The following TRPS1 variants were observed in gnomAD, a reference collection of about 807,000 sequenced individuals.
The protein encoded by TRPS1 is zinc finger transcription factor Trps1.
A neutral mutation model predicts 101.2 loss-of-function variants in TRPS1; 6 were observed. The observed-to-expected ratio is 0.06, with a 90% CI of 0.03 to 0.12. TRPS1 has a LOEUF of 0.12. Ranked by LOEUF, TRPS1 falls within the 10% of genes least tolerant of loss-of-function variation. The probability of loss-of-function intolerance (pLI) is 1.00; values close to 1 mark genes in which losing one functional copy is unlikely to be tolerated. For missense variants in TRPS1, 1,363 were observed against 1,567.0 expected (o/e 0.87, Z 2.20); for synonymous variants, 578 against 589.8 (o/e 0.98, Z 0.29).
intron 1 of TRPS1, among the ~76,000 whole-genome samples, chr8:115,638,695 C>A (rs527684859): frequency 1.3e-5 from 2 of 152,312 alleles, no homozygotes; most frequent in Non-Finnish European, 2.9e-5. Flanking sequence ...ATTATGCAAG[C>A]ACATTAACCA....
intron 5 of TRPS1, among the ~76,000 whole-genome samples, chr8:115,492,804 C>T (rs1478989351): frequency 6.6e-6 from 1 of 152,036 alleles, no homozygotes; most frequent in Non-Finnish European, 1.5e-5. Context: ...ACCACCACCT[C>T]CCAGGTCCAA....
intron 1 of TRPS1, among the ~76,000 whole-genome samples, chr8:115,628,951 G>A (rs1405444174): frequency 6.6e-6 from 1 of 151,836 alleles, no homozygotes; most frequent in Non-Finnish European, 1.5e-5. Flanking sequence ...GCTCTAAGAA[G>A]TCCTAGGGAT....
intron 1 of TRPS1, among the ~76,000 whole-genome samples, chr8:115,631,726 A>C (rs1818650424): frequency 6.6e-6 from 1 of 152,064 alleles, no homozygotes; most frequent in South Asian, 2.1e-4. Context: ...GTCTTCAAGG[A>C]AAGTCTGAAT....
At chr8:115,554,821 AG>A (rs1342572359) in intron 5 of TRPS1, among the ~76,000 whole-genome samples, 1 of 152,186 alleles carries the variant, frequency 6.6e-6, no homozygotes, top group Admixed American at 6.5e-5. Flanking sequence ...TAGATGGCAC[AG>A]GTTCAGAGGA....
intron 4 of TRPS1, among the ~76,000 whole-genome samples, chr8:115,597,172 A>G (rs1817807083): frequency 6.6e-6 from 1 of 151,956 alleles, no homozygotes; most frequent in African/African-American, 2.4e-5. Flanking sequence ...TTTCTTCTGA[A>G]AAGTAAAATT....
chr8:115,566,762 C>T (rs1219310539), intron 5 of TRPS1, among the ~76,000 whole-genome samples: 3 of 152,048 alleles, frequency 2.0e-5, no homozygotes, highest in African/African-American at 7.2e-5. Context: ...CACACATTTT[C>T]ATTTTGCCTC....
At position 115,619,186 on chromosome 8, in the gene TRPS1, C is replaced by A. The variant is rs372146914; in HGVS notation, c.912G>T (p.Leu304=). 12 of 1,614,022 alleles carry A rather than the reference C, an allele frequency of 7.4e-6. No individual in the cohort carries two copies. The East Asian group carries it at 1.1e-4, about 15-fold the overall frequency. Residue 304 remains leucine (L), a synonymous_variant, in exon 3 of 7, where the codon CTG becomes CTT. Coordinates refer to ENST00000395715, the MANE Select transcript of TRPS1 (RefSeq NM_014112.5). ...CAGGCCTTGAAGAATTGATGTCCTG[C>A]AGCACACCAGAAAACACAGAACGGT... The part of the protein sequence containing the change: ...KVNRSVFSGV[L]QDINSSRPVL...
Position 115,619,895 on chromosome 8 carries a change from T to C in TRPS1, c.203A>G (p.Asn68Ser). The C allele has an allele frequency of 6.2e-7, 1 of 1,614,210 alleles. No individual in the cohort carries two copies. Among genetic ancestry groups the C allele is most frequent in the Non-Finnish European group, 8.5e-7 (1 of 1,180,036 alleles). Residue 68 changes from asparagine to serine, a missense_variant, in exon 3 of 7, where the codon AAT becomes AGT. Coordinates refer to ENST00000395715, the MANE Select transcript of TRPS1 (RefSeq NM_014112.5). ...NTDQSDAAEL[N>S]HKEEHSLHVQ... ...ATGCAAGCTATGTTCCTCCTTATGA[T>C]TTAGTTCTGCAGCATCACTCTGATC...
chr8:115,549,521 G>C (rs1412626149), intron 5 of TRPS1, among the ~76,000 whole-genome samples: 2 of 152,026 alleles, frequency 1.3e-5, no homozygotes, highest in South Asian at 2.1e-4. Flanking sequence ...AAAGATGGAC[G>C]ATTAGTAGAA....
At chr8:115,583,656 T>C (rs1253823771) in intron 5 of TRPS1, among the ~76,000 whole-genome samples, 2 of 152,150 alleles carry the variant, frequency 1.3e-5, no homozygotes, top group East Asian at 1.9e-4. Flanking sequence ...TATTGTGTGA[T>C]TAATATGCAA....
Position 115,408,856 on chromosome 8 carries a change from G to C in TRPS1, c.*5167C>G, listed in dbSNP as rs1215182515. 1 of 152,102 alleles carries C rather than the reference G, an allele frequency of 6.6e-6. No homozygotes were observed. Among genetic ancestry groups the C allele is most frequent in the Non-Finnish European group, 1.5e-5 (1 of 67,890 alleles). 9.4% of individuals were successfully genotyped at this position (152,102 alleles called of 1,614,324 possible). A position where few individuals can be genotyped will look rare whatever the true frequency, so the allele number is the denominator to read the frequency against. On this transcript the variant is annotated 3_prime_UTR_variant, in exon 7 of 7. Coordinates refer to ENST00000395715, the MANE Select transcript of TRPS1 (RefSeq NM_014112.5). ...CTCCCCCAAAGTTTTCCATGTGGTT[G>C]TCAAATAGTCCGCCCTAAGGAATTT...
chr8:115,466,964 A>G (rs927609110), intron 5 of TRPS1, among the ~76,000 whole-genome samples: 2 of 152,070 alleles, frequency 1.3e-5, no homozygotes, highest in Non-Finnish European at 1.5e-5. Context: ...CTACTTTAAT[A>G]GACATCCCCT....
chr8:115,487,785 G>A (rs1814921356), intron 5 of TRPS1, among the ~76,000 whole-genome samples: 1 of 152,112 alleles, frequency 6.6e-6, no homozygotes, highest in Admixed American at 6.5e-5. Flanking sequence ...GCTTCTTATG[G>A]ATGAGCAAAA....
chr8:115,629,575 G>A (rs1374631684), intron 1 of TRPS1, among the ~76,000 whole-genome samples: 1 of 151,808 alleles, frequency 6.6e-6, no homozygotes, highest in Non-Finnish European at 1.5e-5. Flanking sequence ...ACCGTGATCA[G>A]TTTAAAACCT....
chr8:115,524,681 T>C (rs1187249932), intron 5 of TRPS1, among the ~76,000 whole-genome samples: 2 of 152,110 alleles, frequency 1.3e-5, no homozygotes, highest in Non-Finnish European at 2.9e-5. Context: ...TAATATCAAC[T>C]CTTACTCTCA....
chr8:115,644,768 TC>T (rs1818983342), intron 1 of TRPS1, among the ~76,000 whole-genome samples: 2 of 152,182 alleles, frequency 1.3e-5, no homozygotes, highest in Admixed American at 1.3e-4. Context: ...ATGAAACCCT[TC>T]TTTTCACTTT....
chr8:115,519,711 T>A (rs1170429176), intron 5 of TRPS1, among the ~76,000 whole-genome samples: 1 of 151,554 alleles, frequency 6.6e-6, no homozygotes, highest in Non-Finnish European at 1.5e-5. Flanking sequence ...TAAACAACAT[T>A]AATAACAATA....
intron 1 of TRPS1, among the ~76,000 whole-genome samples, chr8:115,642,169 G>A (rs1006794417): frequency 3.3e-5 from 5 of 150,636 alleles, no homozygotes; most frequent in Admixed American, 1.3e-4. Context: ...AGCTATGATC[G>A]CACCACAGGA....
intron 3 of TRPS1, among the ~76,000 whole-genome samples, chr8:115,612,652 G>A (rs2245221): frequency 0.6 from 91,183 of 152,080 alleles, 27,646 homozygotes; most frequent in East Asian, 0.84. Flanking sequence ...AAGATTCCCA[G>A]ATATGTTCCT....
Sources: gnomAD v4.1 joint callset for allele counts (sites outside exome capture counted in the v4.1 genomes callset) on GRCh38, gnomAD v4.1.1 for gene constraint, MANE v1.5 for transcripts, NCBI Gene and HGNC (gene_info 2026-07-23, HGNC 2026-07-21) for gene names.